The following RNF115 variants were observed in gnomAD, a reference collection of about 807,000 sequenced individuals.
RNF115 encodes ring finger protein 115.
Under a neutral mutation model 39.2 loss-of-function variants are expected in RNF115, and 31 were observed. That is an observed-to-expected ratio of 0.79 (90% CI 0.59 to 1.07). The LOEUF (loss-of-function observed/expected upper bound fraction) is 1.07. Among genes scored for constraint, RNF115 ranks in the 50% least tolerant of loss-of-function variants. The probability of loss-of-function intolerance (pLI) is 0.00; values close to 1 mark genes in which losing one functional copy is unlikely to be tolerated. For synonymous variants in RNF115, 124 were observed against 131.0 expected (o/e 0.95, Z 0.37); for missense variants, 384 against 381.7 (o/e 1.01, Z -0.05).
intron 4 of RNF115, among the ~76,000 whole-genome samples, chr1:145,761,874 G>C (rs1441527525): frequency 6.6e-6 from 1 of 152,198 alleles, no homozygotes; most frequent in Non-Finnish European, 1.5e-5. Context: ...CGGGAGGGAG[G>C]TTGGACCCCG....
intron 1 of RNF115, among the ~76,000 whole-genome samples, chr1:145,819,758 GCC>G (rs1650152138): frequency 6.6e-6 from 1 of 152,144 alleles, no homozygotes; most frequent in South Asian, 2.1e-4. Flanking sequence ...GCTAATGCAG[GCC>G]AGTGTGGTGG....
At chr1:145,765,749 A>T (rs587620227) in intron 4 of RNF115, among the ~76,000 whole-genome samples, 9 of 152,342 alleles carry the variant, frequency 5.9e-5, no homozygotes, top group African/African-American at 2.2e-4. Context: ...TATCATTCAA[A>T]AGCTGCAGAT....
At chr1:145,753,374 C>T (rs587752872) in intron 4 of RNF115, among the ~76,000 whole-genome samples, 1 of 152,124 alleles carries the variant, frequency 6.6e-6, no homozygotes, top group Admixed American at 6.5e-5. Context: ...AAAGGGATGC[C>T]GAGCCAGTGG....
chr1:145,739,229 T>A lies in RNF115; in HGVS notation c.*7637A>T, dbSNP rs1160101661. On this transcript the variant is annotated 3_prime_UTR_variant, in exon 9 of 9. Coordinates refer to ENST00000582693, the MANE Select transcript of RNF115 (RefSeq NM_014455.4). ...TTGGACAGATGACCTCTTGTCATAG[T>A]TAAGCAGAGAGTGGGCAGGATATTC... 2 of 152,280 alleles carry A rather than the reference T, an allele frequency of 1.3e-5. No individual in the cohort carries two copies. The highest frequency in any genetic ancestry group is 4.8e-5 in the African/African-American group (2 of 41,468). 9.4% of individuals were successfully genotyped at this position (152,280 alleles called of 1,614,324 possible). A position where few individuals can be genotyped will look rare whatever the true frequency, so the allele number is the denominator to read the frequency against.
chr1:145,784,411 C>A, intron 3 of RNF115, 128 bp downstream of exon 3: 1 of 818,376 alleles, frequency 1.2e-6, no homozygotes. Context: ...AGGGTTACTA[C>A]GGCCCACATT....
rs1313439015 is a variant in RNF115, at chr1:145,805,130, C to A, written c.103-16164G>T. 2.0e-5 allele frequency among the ~76,000 whole-genome samples: 3 copies of A among 152,064 alleles called. No homozygotes were observed. The East Asian group carries it at 5.8e-4, about 29-fold the overall frequency. ...CCCACAGAGCAATCAGAGCTTCTGACTGAGAACTCTTCATCGAAATAAAAG... is the reference window on the plus strand; with the variant it reads ...CCCACAGAGCAATCAGAGCTTCTGAATGAGAACTCTTCATCGAAATAAAAG... On this transcript the variant is annotated intron_variant, in intron 1 of 8. Transcript: ENST00000582693.
At chr1:145,768,284 C>T (rs1406439454) in intron 4 of RNF115, among the ~76,000 whole-genome samples, 1 of 152,242 alleles carries the variant, frequency 6.6e-6, no homozygotes, top group Non-Finnish European at 1.5e-5. Context: ...TCTCCAATGG[C>T]AGGCACAGAC....
intron 4 of RNF115, among the ~76,000 whole-genome samples, chr1:145,759,129 C>T (rs1553713563): frequency 1.3e-5 from 2 of 152,158 alleles, no homozygotes; most frequent in South Asian, 2.1e-4. Context: ...GTCTCCTTTG[C>T]TTATTCTTCC....
At chr1:145,800,107 CA>C (rs1649162475) in intron 1 of RNF115, among the ~76,000 whole-genome samples, 1 of 152,144 alleles carries the variant, frequency 6.6e-6, no homozygotes, top group African/African-American at 2.4e-5. Flanking sequence ...TTTTAAGTTA[CA>C]ACAGTCTGAG....
At chr1:145,812,744 A>G (rs1387175925) in intron 1 of RNF115, among the ~76,000 whole-genome samples, 1 of 151,874 alleles carries the variant, frequency 6.6e-6, no homozygotes, top group Admixed American at 6.6e-5. Flanking sequence ...CAAGAAAAGT[A>G]TGCCTGGTTT....
chr1:145,789,467 C>T (rs1179138017), intron 1 of RNF115, among the ~76,000 whole-genome samples: 4 of 150,736 alleles, frequency 2.7e-5, no homozygotes, highest in Admixed American at 1.3e-4. Flanking sequence ...GGCATGATCT[C>T]GGCTCACGGC....
At position 145,771,938 on chromosome 1, in the gene RNF115, A is replaced by G. The variant is rs782483489; in HGVS notation, c.220-19T>C. ...CCCAAAGCTAGTAAAGACCAGAAAT[A>G]AGTCACATGTTAGAAAAATCAATCA... On this transcript the variant is annotated intron_variant, in intron 3 of 8. Coordinates refer to ENST00000582693, the MANE Select transcript of RNF115 (RefSeq NM_014455.4). 6.3e-7 allele frequency: 1 copy of G among 1,596,196 alleles called. No homozygotes were observed. Among genetic ancestry groups the G allele is most frequent in the Non-Finnish European group, 8.6e-7 (1 of 1,169,350 alleles).
At chr1:145,761,441 G>A (rs1458497841) in intron 4 of RNF115, among the ~76,000 whole-genome samples, 1 of 152,194 alleles carries the variant, frequency 6.6e-6, no homozygotes, top group Non-Finnish European at 1.5e-5. Flanking sequence ...GGTGCCCTGT[G>A]TCCCAGTTGC....
chr1:145,766,588 T>C (rs1553714876), intron 4 of RNF115, among the ~76,000 whole-genome samples: 2 of 149,064 alleles, frequency 1.3e-5, no homozygotes, highest in Non-Finnish European at 1.5e-5. Context: ...GAGGCGCCCC[T>C]CACCTCCCGG....
chr1:145,778,461 CAGGGTG>C (rs1173239204), intron 3 of RNF115, among the ~76,000 whole-genome samples: 1 of 152,022 alleles, frequency 6.6e-6, no homozygotes, highest in Non-Finnish European at 1.5e-5. Flanking sequence ...TACACTTTAA[CAGGGTG>C]AATTACGTAG....
chr1:145,771,662 G>T, intron 4 of RNF115, 49 bp downstream of exon 4: 1 of 1,439,722 alleles, frequency 6.9e-7, no homozygotes, highest in Non-Finnish European at 9.7e-7. Context: ...ATACCAATTT[G>T]TCCTTCATTG....
At chr1:145,771,654 A>G (rs1277025988) in intron 4 of RNF115, 57 bp downstream of exon 4, 3 of 1,369,340 alleles carry the variant, frequency 2.2e-6, no homozygotes, top group Admixed American at 3.5e-5. Context: ...ATTAGATTAT[A>G]CCAATTTGTC....
intron 2 of RNF115, chr1:145,788,703 T>C (rs1648501005): frequency 8.9e-6 from 6 of 676,014 alleles, no homozygotes; most frequent in Non-Finnish European, 1.6e-5. Context: ...GATATCACTT[T>C]CCAAATTTTC....
At chr1:145,794,063 C>T (rs1477853575) in intron 1 of RNF115, among the ~76,000 whole-genome samples, 2 of 152,058 alleles carry the variant, frequency 1.3e-5, no homozygotes, top group African/African-American at 4.8e-5. Context: ...AGGCTGGTCT[C>T]GAACTCCTGA....
Sources: allele counts gnomAD v4.1 joint callset (sites outside exome capture counted in the v4.1 genomes callset), GRCh38; gene constraint gnomAD v4.1.1; transcripts MANE v1.5; gene names NCBI Gene and HGNC (gene_info 2026-07-23, HGNC 2026-07-21).